LRP2: variants seen among roughly 807,000 people sequenced by gnomAD.
The protein encoded by LRP2 is LDL receptor related protein 2.
Under a neutral mutation model 531.0 loss-of-function variants are expected in LRP2, and 172 were observed. That is an observed-to-expected ratio of 0.32 (90% CI 0.29 to 0.37). LRP2 has a LOEUF of 0.37. LRP2 is among the 10% of genes least tolerant of loss of function. LRP2 has a pLI of 1.00. For synonymous variants in LRP2, 1,992 were observed against 2,027.6 expected (o/e 0.98, Z 0.47); for missense variants, 5,167 against 5,868.3 (o/e 0.88, Z 3.90).
chr2:169,356,547 C>T (rs1685993118), intron 1 of LRP2, among the ~76,000 whole-genome samples: 1 of 152,164 alleles, frequency 6.6e-6, no homozygotes, highest in South Asian at 2.1e-4. Context: ...GAAAACTGCC[C>T]CAGAGCACCC....
In LRP2 at chr2:169,242,936, T is replaced by C. The variant is rs831041; in HGVS notation, c.3667+20A>G. ...GAAATGACCCCTTTGTCTGAAACATTCTGGGTATGTGTTACTTACGACAGC... is the reference window on the plus strand; with the variant it reads ...GAAATGACCCCTTTGTCTGAAACATCCTGGGTATGTGTTACTTACGACAGC... On this transcript the variant is annotated intron_variant, in intron 24 of 78. Transcript: ENST00000649046. The C allele has an allele frequency of 5.8e-6, 9 of 1,549,402 alleles. 1 individual carries two copies. The highest frequency in any genetic ancestry group is 8.0e-6 in the Non-Finnish European group (9 of 1,122,124).
intron 9 of LRP2, among the ~76,000 whole-genome samples, chr2:169,288,777 A>ATTATTTTATT (rs1683923487): frequency 6.6e-6 from 1 of 152,234 alleles, no homozygotes; most frequent in African/African-American, 2.4e-5. Context: ...CTCATCAAGT[A>ATTATTTTATT]ATGGATAGGT....
At position 169,173,220 on chromosome 2, in the gene LRP2, G is replaced by A; in HGVS notation, c.11019C>T (p.Ser3673=). 2 of 1,614,178 alleles carry A rather than the reference G, an allele frequency of 1.2e-6. No individual in the cohort carries two copies. Among genetic ancestry groups the A allele is most frequent in the East Asian group, 2.2e-5 (1 of 44,892 alleles). The change falls in exon 57 of 79, where the codon AGC becomes AGT. Residue 3673 remains serine, a synonymous_variant. Coordinates refer to ENST00000649046, the MANE Select transcript of LRP2 (RefSeq NM_004525.3). ...TGAAGTTGTCACAGAGATGGGCAGA[G>A]CTCACTGAAAAGGGAGGAGGCATCA... is the stretch of plus-strand genomic sequence containing the variant. ...HSDEPIEECM[S]SAHLCDNFTE...
chr2:169,220,848 G>T (rs993156414), intron 33 of LRP2, among the ~76,000 whole-genome samples: 13 of 152,136 alleles, frequency 8.5e-5, no homozygotes, highest in Non-Finnish European at 1.8e-4. Context: ...GGAAGATTCA[G>T]TTGGGAAAAC....
chr2:169,238,118 C>G lies in LRP2; in HGVS notation c.4479G>C (p.Ala1493=). 6.2e-7 allele frequency: 1 copy of G among 1,614,084 alleles called. No individual in the cohort carries two copies. The highest frequency in any genetic ancestry group is 8.5e-7 in the Non-Finnish European group (1 of 1,179,950). Residue 1493 remains alanine, a synonymous_variant, in exon 27 of 79, where the codon GCG becomes GCC. Coordinates refer to ENST00000649046, the MANE Select transcript of LRP2 (RefSeq NM_004525.3). The part of the protein sequence containing the change: ...SDATQGKTWS[A]FQNGTDRRVV... Reference sequence around the variant, plus strand: ...CTCTTCTGTCCGTTCCATTTTGAAACGCACTCCAGGTTTTACCCTGAGTTG... The same window carrying G: ...CTCTTCTGTCCGTTCCATTTTGAAAGGCACTCCAGGTTTTACCCTGAGTTG...
Position 169,318,757 on chromosome 2 carries a change from C to T in LRP2, c.310+5G>A, listed in dbSNP as rs1233797385. ...CCAAAGCAAGATTCCTCTCCAAACA[C>T]TTACAGCAATCTTGACGTTCATCTG... On this transcript the variant is annotated splice_donor_5th_base_variant and intron_variant, in intron 3 of 78. Transcript: ENST00000649046. 4.3e-6 allele frequency: 7 copies of T among 1,613,972 alleles called. No homozygotes were observed. In the African/African-American group the frequency reaches 5.3e-5, roughly 12 times the overall value.
intron 35 of LRP2, among the ~76,000 whole-genome samples, chr2:169,215,640 C>A (rs1290513747): frequency 6.7e-6 from 1 of 149,694 alleles, no homozygotes; most frequent in Non-Finnish European, 1.5e-5. Context: ...ATAGAATATA[C>A]CTATATCCTA....
chr2:169,152,451 A>C (rs10490132), intron 67 of LRP2, among the ~76,000 whole-genome samples: 70,355 of 152,044 alleles, frequency 0.46, 16,959 homozygotes, highest in Admixed American at 0.6. Flanking sequence ...CTGAAAGTTA[A>C]TTTTGGAATC....
In LRP2 at chr2:169,128,773, G is replaced by A; in HGVS notation, c.13858C>T (p.Pro4620Ser). 1 of 1,614,098 alleles carries A rather than the reference G, an allele frequency of 6.2e-7. No homozygotes were observed. The highest frequency in any genetic ancestry group is 2.2e-5 in the East Asian group (1 of 44,880). The change falls in exon 79 of 79, where the codon CCT becomes TCT. Residue 4620 changes from proline to serine, a missense_variant. This residue lies in a region of LRP2 where 348 missense variants were observed against 369.3 expected (regional missense o/e 0.94). Coordinates refer to ENST00000649046, the MANE Select transcript of LRP2 (RefSeq NM_004525.3). ...AATPPPSPSL[P>S]AKPKPPSRRD... ...CTCGAAGGAGGCTTAGGCTTAGCAG[G>A]GAGCGAAGGTGATGGAGGTGGTGTC... is the stretch of plus-strand genomic sequence containing the variant.
chr2:169,179,878 G>A (rs1317741764), intron 52 of LRP2, among the ~76,000 whole-genome samples: 1 of 142,520 alleles, frequency 7.0e-6, no homozygotes, highest in Non-Finnish European at 1.6e-5. Context: ...ACCTCTCCAA[G>A]AGGTAACCAA....
At chr2:169,305,164 G>T (rs1419701734) in intron 4 of LRP2, among the ~76,000 whole-genome samples, 1 of 152,142 alleles carries the variant, frequency 6.6e-6, no homozygotes, top group Non-Finnish European at 1.5e-5. Context: ...AGAGACAATG[G>T]CAAATAGCAC....
At chr2:169,268,681 G>A (rs1486193894) in intron 16 of LRP2, among the ~76,000 whole-genome samples, 6 of 152,168 alleles carry the variant, frequency 3.9e-5, no homozygotes, top group Admixed American at 6.5e-5. Flanking sequence ...CATTCCCTTT[G>A]AAAACTGGCA....
chr2:169,295,398 G>A (rs781381550), intron 4 of LRP2, among the ~76,000 whole-genome samples: 7 of 152,188 alleles, frequency 4.6e-5, no homozygotes, highest in South Asian at 2.1e-4. Context: ...TTGTTGCCAC[G>A]TTATGTACAT....
Position 169,213,651 on chromosome 2 carries a change from A to T in LRP2, c.6040+6T>A. The T allele has an allele frequency of 6.2e-7, 1 of 1,608,826 alleles. No homozygotes were observed. Among genetic ancestry groups the T allele is most frequent in the East Asian group, 2.2e-5 (1 of 44,862 alleles). ...CCATGAATGTATTTCAGTGACAAAT[A>T]CTTACTGCGTCTGTGATAAACTTGA... is the stretch of plus-strand genomic sequence containing the variant. On this transcript the variant is annotated splice_donor_region_variant and intron_variant, in intron 36 of 78. Coordinates refer to ENST00000649046, the MANE Select transcript of LRP2 (RefSeq NM_004525.3).
chr2:169,262,207 CCACT>C (rs1252909351), intron 16 of LRP2, among the ~76,000 whole-genome samples: 3 of 147,462 alleles, frequency 2.0e-5, no homozygotes, highest in African/African-American at 7.4e-5. Flanking sequence ...CCCTCTCTCA[CCACT>C]CCTATTCAAC....
intron 1 of LRP2, among the ~76,000 whole-genome samples, chr2:169,345,372 A>G (rs1685669414): frequency 6.6e-6 from 1 of 152,192 alleles, no homozygotes; most frequent in African/African-American, 2.4e-5. Flanking sequence ...CGTGAGTGTC[A>G]TTTTGAATTA....
rs200563635 is a variant in LRP2 at position 169,177,994 on chromosome 2, G to A, written c.10202C>T (p.Thr3401Met). 2.9e-5 allele frequency: 46 copies of A among 1,613,942 alleles called. No homozygotes were observed. Among genetic ancestry groups the A allele is most frequent in the Non-Finnish European group, 3.3e-5 (39 of 1,179,982 alleles). The part of the protein sequence containing the change: ...YSDLEGHHRH[T>M]VYDGALPHPF... ...GTGAGGCAGTGCCCCATCATACACC[G>A]TGTGTCGATGGTGGCCCTCCAAATC... The change falls in exon 53 of 79, where the codon ACG becomes ATG. Residue 3401 changes from threonine to methionine, a missense_variant. Coordinates refer to ENST00000649046, the MANE Select transcript of LRP2 (RefSeq NM_004525.3).
chr2:169,191,944 C>T lies in LRP2; in HGVS notation c.8920G>A (p.Gly2974Ser), dbSNP rs946553686. ...TAGCCGTCAGTACAATCCACATCGC[C>T]ATCACAGACCCAAGACTGGGGAATG... ...RCIPQSWVCD[G>S]DVDCTDGYDE... Residue 2974 changes from glycine (G) to serine (S), a missense_variant, in exon 48 of 79, where the codon GGC becomes AGC. Transcript: ENST00000649046. 1 of 1,614,030 alleles carries T rather than the reference C, an allele frequency of 6.2e-7. No individual in the cohort carries two copies. Among genetic ancestry groups the T allele is most frequent in the African/African-American group, 1.3e-5 (1 of 74,908 alleles).
rs1408753171 is a variant in LRP2 at position 169,152,946 on chromosome 2, A to G, written c.12314T>C (p.Val4105Ala). 1 of 1,613,952 alleles carries G rather than the reference A, an allele frequency of 6.2e-7. No individual in the cohort carries two copies. The highest frequency in any genetic ancestry group is 1.1e-5 in the South Asian group (1 of 91,086). Residue 4105 changes from valine (V) to alanine (A), a missense_variant, in exon 67 of 79, where the codon GTG becomes GCG. Coordinates refer to ENST00000649046, the MANE Select transcript of LRP2 (RefSeq NM_004525.3). ...ACCAAACCTAGAGCCCTCCCCTCGC[A>G]CAGTGTAATACACAACACCTACAGA... ...DIGLSVVYYT[V>A]RGEGSRFGAI...
Sources: gnomAD v4.1 joint callset for allele counts (sites outside exome capture counted in the v4.1 genomes callset) on GRCh38, gnomAD v4.1.1 for gene constraint, gnomAD v4.1.1 regional missense constraint, MANE v1.5 for transcripts, NCBI Gene and HGNC (gene_info 2026-07-23, HGNC 2026-07-21) for gene names.